MYO1D: variants seen among roughly 807,000 people sequenced by gnomAD.
The protein encoded by MYO1D is unconventional myosin-Id.
A neutral mutation model predicts 122.0 loss-of-function variants in MYO1D; 83 were observed. The ratio of observed to expected loss-of-function variants is 0.68; its 90% CI spans 0.57 to 0.82. The LOEUF is 0.82. Among genes scored for constraint, MYO1D ranks in the 40% least tolerant of loss-of-function variants. The pLI is 0.00. For missense variants in MYO1D, 1,157 were observed against 1,269.5 expected, an observed-to-expected ratio of 0.91 and a Z score of 1.35; for synonymous variants, 464 against 446.9, an observed-to-expected ratio of 1.04 and a Z score of -0.48.
intron 16 of MYO1D, among the ~76,000 whole-genome samples, chr17:32,698,075 A>C (rs1468888896): frequency 6.6e-6 from 1 of 152,210 alleles, no homozygotes; most frequent in Admixed American, 6.5e-5. Flanking sequence ...TTAACCACTC[A>C]GTGGCTTTAG....
Position 32,494,641 on chromosome 17 carries a change from T to G in MYO1D, c.*118A>C. Reference sequence around the variant, plus strand: ...GAAGGAAATCTTACAGGGGCGGGGCTCCTCTGGGAGGGGCCCTCGCAGCAG... The same window carrying G: ...GAAGGAAATCTTACAGGGGCGGGGCGCCTCTGGGAGGGGCCCTCGCAGCAG... On this transcript the variant is annotated 3_prime_UTR_variant, in exon 22 of 22. Coordinates refer to ENST00000318217, the MANE Select transcript of MYO1D (RefSeq NM_015194.3). The G allele has an allele frequency of 8.4e-7, 1 of 1,189,294 alleles. No homozygotes were observed. Among genetic ancestry groups the G allele is most frequent in the South Asian group, 1.6e-5 (1 of 63,290 alleles). 73.7% of individuals were successfully genotyped at this position (1,189,294 alleles called of 1,614,324 possible).
intron 6 of MYO1D, among the ~76,000 whole-genome samples, chr17:32,770,334 G>A (rs570182268): frequency 1.8e-4 from 28 of 151,950 alleles, no homozygotes; most frequent in Non-Finnish European, 8.8e-5. Context: ...AAAGCAGTAA[G>A]TTTTTGATGT....
chr17:32,764,795 T>G, intron 8 of MYO1D, 83 bp downstream of exon 8: 1 of 1,415,392 alleles, frequency 7.1e-7, no homozygotes, highest in South Asian at 1.2e-5. Flanking sequence ...CTTTCAAGAA[T>G]GTCTGAATAC....
intron 21 of MYO1D, among the ~76,000 whole-genome samples, chr17:32,596,521 T>G (rs2087494527): frequency 6.6e-6 from 1 of 152,222 alleles, no homozygotes; most frequent in Non-Finnish European, 1.5e-5. Context: ...GGCCTGCTTA[T>G]CGGTATGGGT....
rs79504427 is a variant in MYO1D at position 32,734,093 on chromosome 17, A to C, written c.1746+4160T>G. 1.6e-3 allele frequency among the ~76,000 whole-genome samples: 239 copies of C among 152,318 alleles called. 2 individuals carry two copies. The highest frequency in any genetic ancestry group is 2.4e-3 in the Non-Finnish European group (162 of 68,018). On this transcript the variant is annotated intron_variant, in intron 14 of 21. Transcript: ENST00000318217. ...ATATGATAGGGATTAATGGCTCCACAAAGGTTTTATAAAACTGATTTGTAA... is the reference window on the plus strand; with the variant it reads ...ATATGATAGGGATTAATGGCTCCACCAAGGTTTTATAAAACTGATTTGTAA...
At chr17:32,844,833 A>C (rs1218813285) in intron 1 of MYO1D, among the ~76,000 whole-genome samples, 1 of 152,060 alleles carries the variant, frequency 6.6e-6, no homozygotes, top group Non-Finnish European at 1.5e-5. Context: ...CTTCTGGGAG[A>C]CTTTCTCTTT....
intron 1 of MYO1D, among the ~76,000 whole-genome samples, chr17:32,826,944 G>C (rs2090728297): frequency 6.6e-6 from 1 of 152,134 alleles, no homozygotes; most frequent in Non-Finnish European, 1.5e-5. Context: ...ATGTATGTTA[G>C]GAAAAATGGT....
intron 21 of MYO1D, among the ~76,000 whole-genome samples, chr17:32,546,445 C>T (rs1453869408): frequency 6.6e-6 from 1 of 152,230 alleles, no homozygotes; most frequent in Admixed American, 6.5e-5. Context: ...TGAGCAAGTC[C>T]AGAAGCAGGG....
At chr17:32,876,477 C>G (rs769997233) in intron 1 of MYO1D, among the ~76,000 whole-genome samples, 1 of 152,146 alleles carries the variant, frequency 6.6e-6, no homozygotes, top group African/African-American at 2.4e-5. Flanking sequence ...AGCGCGCCCT[C>G]CCGCGCGGCA....
chr17:32,832,507 C>T (rs2090781732), intron 1 of MYO1D, among the ~76,000 whole-genome samples: 1 of 152,034 alleles, frequency 6.6e-6, no homozygotes, highest in Admixed American at 6.6e-5. Context: ...ACCGTGTTAG[C>T]CAGGATGGTC....
rs1567634856 is a variant in MYO1D, at chr17:32,772,793, TAGAA to T, written c.610_613del (p.Phe204IlefsTer33). ...TCTGTATAATGGATTACTAACCTGA[TAGAA>T]AGAATGAAAGCTTCTTTCTCCTGGC... On this transcript the variant is annotated frameshift_variant, in exon 5 of 22. Coordinates refer to ENST00000318217, the MANE Select transcript of MYO1D (RefSeq NM_015194.3). LOFTEE classifies it high-confidence loss of function. 6.2e-7 allele frequency: 1 copy of T among 1,608,482 alleles called. No homozygotes were observed. Among genetic ancestry groups the T allele is most frequent in the Non-Finnish European group, 8.5e-7 (1 of 1,174,954 alleles).
rs79531254 is a variant in MYO1D, at chr17:32,821,930, T to C, written c.96-41146A>G. On this transcript the variant is annotated intron_variant, in intron 1 of 21. Coordinates refer to ENST00000318217, the MANE Select transcript of MYO1D (RefSeq NM_015194.3). The stretch of plus-strand genomic sequence containing the variant: ...AACACTTTTACACTGTTGATGGGAC[T>C]GTAAACTAGTTCAACCATTGTGGAA... Among the ~76,000 whole-genome samples, 121 of 152,332 alleles carry C rather than the reference T, an allele frequency of 7.9e-4. 2 individuals carry two copies. The East Asian group carries it at 0.022, about 28-fold the overall frequency.
chr17:32,805,071 T>C (rs942355033), intron 1 of MYO1D, among the ~76,000 whole-genome samples: 1 of 152,168 alleles, frequency 6.6e-6, no homozygotes, highest in Non-Finnish European at 1.5e-5. Flanking sequence ...TCTACCCCCA[T>C]GAATAGAATT....
chr17:32,874,411 T>C (rs2091211333), intron 1 of MYO1D, among the ~76,000 whole-genome samples: 1 of 152,144 alleles, frequency 6.6e-6, no homozygotes, highest in Admixed American at 6.5e-5. Context: ...GGTGTGATCA[T>C]AGCTCACGGC....
At chr17:32,770,500 A>G (rs2090102438) in intron 6 of MYO1D, among the ~76,000 whole-genome samples, 1 of 152,080 alleles carries the variant, frequency 6.6e-6, no homozygotes, top group African/African-American at 2.4e-5. Context: ...TGTAACTATT[A>G]TCAACAAACT....
intron 1 of MYO1D, among the ~76,000 whole-genome samples, chr17:32,821,283 T>C (rs2090660471): frequency 6.6e-6 from 1 of 151,888 alleles, no homozygotes; most frequent in Admixed American, 6.6e-5. Context: ...GGGGGGAAAA[T>C]GATGTAGGTG....
intron 13 of MYO1D, among the ~76,000 whole-genome samples, chr17:32,743,821 T>C (rs1349787525): frequency 1.3e-5 from 2 of 151,906 alleles, no homozygotes; most frequent in Non-Finnish European, 2.9e-5. Context: ...GGTTTCACCA[T>C]GTTAGCCAGG....
chr17:32,783,370 T>G (rs1376150927), intron 1 of MYO1D, among the ~76,000 whole-genome samples: 1 of 152,196 alleles, frequency 6.6e-6, no homozygotes, highest in Non-Finnish European at 1.5e-5. Flanking sequence ...AAATATTTTC[T>G]ATTAACCTAT....
At chr17:32,535,080 G>C (rs114370695) in intron 21 of MYO1D, among the ~76,000 whole-genome samples, 3,738 of 152,206 alleles carry the variant, frequency 0.025, 148 homozygotes, top group African/African-American at 0.086. Context: ...AAGACATTTG[G>C]TGTGGACCTG....
Sources: gnomAD v4.1 joint callset for allele counts (sites outside exome capture counted in the v4.1 genomes callset) on GRCh38, gnomAD v4.1.1 for gene constraint, MANE v1.5 for transcripts, NCBI Gene and HGNC (gene_info 2026-07-23, HGNC 2026-07-21) for gene names.